Variants in SYNPO2 observed in about 807,000 individuals in gnomAD.
The protein encoded by SYNPO2 is synaptopodin 2, also known as synaptopodin-2.
Under a neutral mutation model 85.0 loss-of-function variants are expected in SYNPO2, and 56 were observed. The observed-to-expected ratio is 0.66, with a 90% confidence interval of 0.53 to 0.82. SYNPO2 has a LOEUF of 0.82. Among genes scored for constraint, SYNPO2 ranks in the 40% least tolerant of loss-of-function variants. The pLI is 0.00. For missense variants in SYNPO2, 1,575 were observed against 1,534.2 expected (o/e 1.03, Z -0.44); for synonymous variants, 602 against 591.1 (o/e 1.02, Z -0.27).
At chr4:118,999,111 T>C (rs1419042406) in intron 1 of SYNPO2, among the ~76,000 whole-genome samples, 4 of 152,118 alleles carry the variant, frequency 2.6e-5, no homozygotes, top group African/African-American at 9.7e-5. Context: ...TAAAGTGAAA[T>C]GTTTAGCTGT....
intron 1 of SYNPO2, among the ~76,000 whole-genome samples, chr4:118,902,311 G>A (rs114154637): frequency 0.015 from 2,341 of 152,182 alleles, 30 homozygotes; most frequent in Non-Finnish European, 0.021. Context: ...TCACACTGCC[G>A]ATAAAGACAT....
chr4:118,975,562 C>A (rs751996917), intron 1 of SYNPO2, among the ~76,000 whole-genome samples: 1 of 152,116 alleles, frequency 6.6e-6, no homozygotes. Flanking sequence ...ACTTTCACCC[C>A]CAGGAAGGAG....
chr4:118,879,040 C>T (rs182504979), intron 1 of SYNPO2, among the ~76,000 whole-genome samples: 31 of 152,232 alleles, frequency 2.0e-4, no homozygotes, highest in South Asian at 1.2e-3. Flanking sequence ...TGAACAACTC[C>T]GGAGGCACCA....
intron 1 of SYNPO2, among the ~76,000 whole-genome samples, chr4:119,008,358 G>C (rs1475023775): frequency 1.3e-5 from 2 of 151,944 alleles, no homozygotes; most frequent in Non-Finnish European, 2.9e-5. Context: ...AGTACTAAGT[G>C]AATGAATGAA....
chr4:118,996,571 A>G (rs569996261), intron 1 of SYNPO2, among the ~76,000 whole-genome samples: 2 of 152,308 alleles, frequency 1.3e-5, no homozygotes, highest in East Asian at 3.9e-4. Context: ...AAGATGTAAG[A>G]TATGTCATAA....
At chr4:118,981,855 AATT>A (rs747674352) in intron 1 of SYNPO2, among the ~76,000 whole-genome samples, 113 of 152,294 alleles carry the variant, frequency 7.4e-4, no homozygotes, top group African/African-American at 2.6e-3. Context: ...AACTGCACAT[AATT>A]ATTATTATTT....
chr4:118,932,546 A>G (rs1158770393), intron 1 of SYNPO2, among the ~76,000 whole-genome samples: 1 of 152,198 alleles, frequency 6.6e-6, no homozygotes, highest in Non-Finnish European at 1.5e-5. Flanking sequence ...ACCTAGATTT[A>G]ATATTTTGTA....
At chr4:119,054,271 C>G (rs1035080617) in intron 4 of SYNPO2, among the ~76,000 whole-genome samples, 1 of 152,344 alleles carries the variant, frequency 6.6e-6, no homozygotes, top group East Asian at 1.9e-4. Flanking sequence ...CTGCCGTCCA[C>G]AGACGGTGGT....
intron 1 of SYNPO2, among the ~76,000 whole-genome samples, chr4:118,978,235 C>G (rs1286319084): frequency 1.3e-5 from 2 of 152,204 alleles, no homozygotes; most frequent in Admixed American, 1.3e-4. Flanking sequence ...TTGTTCCCCA[C>G]AATTTAGCCC....
intron 1 of SYNPO2, among the ~76,000 whole-genome samples, chr4:118,975,686 A>C (rs972592462): frequency 6.6e-6 from 1 of 152,244 alleles, no homozygotes; most frequent in Non-Finnish European, 1.5e-5. Flanking sequence ...TTACAGGATT[A>C]GTTCCCTAGC....
In SYNPO2 at chr4:119,057,476, C is replaced by T; in HGVS notation, c.3328C>T (p.Pro1110Ser). 6.2e-7 allele frequency: 1 copy of T among 1,613,944 alleles called. No individual in the cohort carries two copies. The highest frequency in any genetic ancestry group is 8.5e-7 in the Non-Finnish European group (1 of 1,179,982). ...TTCTACATCTCCTTGGGTATACCAGCCTACTTATAGTTACTCTAGTAAACC... is the reference window on the plus strand; with the variant it reads ...TTCTACATCTCCTTGGGTATACCAGTCTACTTATAGTTACTCTAGTAAACC... The part of the protein sequence containing the change: ...PISTSPWVYQ[P>S]TYSYSSKPTD... Residue 1110 changes from proline to serine, a missense_variant, in exon 5 of 5, where the codon CCT becomes TCT. Physicochemically the swap from Pro to Ser is moderately conservative, Grantham distance 74. Around this residue, in one of 3 missense-constraint regions of SYNPO2, gnomAD observed 1,508 missense variants for 1,446.8 expected, o/e 1.04. Coordinates refer to ENST00000307142, the MANE Select transcript of SYNPO2 (RefSeq NM_133477.3).
chr4:118,921,132 C>T (rs115937745), intron 1 of SYNPO2, among the ~76,000 whole-genome samples: 2,357 of 152,190 alleles, frequency 0.015, 30 homozygotes, highest in Non-Finnish European at 0.021. Context: ...GTCTTGAACT[C>T]CTGGCCTCAA....
chr4:118,914,730 G>C (rs1245772540), intron 1 of SYNPO2, among the ~76,000 whole-genome samples: 1 of 152,104 alleles, frequency 6.6e-6, no homozygotes, highest in African/African-American at 2.4e-5. Context: ...GTAAAGGAAA[G>C]ACAGCAAATA....
At chr4:118,996,069 C>G (rs970855746) in intron 1 of SYNPO2, among the ~76,000 whole-genome samples, 3 of 152,130 alleles carry the variant, frequency 2.0e-5, no homozygotes, top group Admixed American at 2.0e-4. Flanking sequence ...CTCCATTATG[C>G]GGCATACACA....
chr4:118,885,548 C>T (rs1490591972), upstream of SYNPO2, among the ~76,000 whole-genome samples: 1 of 151,398 alleles, frequency 6.6e-6, no homozygotes. Flanking sequence ...TCTCGGCTCA[C>T]TGCAACCTCT....
intron 1 of SYNPO2, among the ~76,000 whole-genome samples, chr4:118,909,247 G>T (rs1733053298): frequency 6.6e-6 from 1 of 152,244 alleles, no homozygotes; most frequent in East Asian, 1.9e-4. Context: ...TACGGGGGAT[G>T]AGAACTGACA....
chr4:118,916,730 T>TTC, intron 1 of SYNPO2, among the ~76,000 whole-genome samples: 1 of 5,258 alleles, frequency 1.9e-4, no homozygotes, highest in East Asian at 0.019. Flanking sequence ...TTTTTCTTTC[T>TTC]TTTTTTTTTT....
At chr4:118,939,995 GTT>G in intron 1 of SYNPO2, among the ~76,000 whole-genome samples, 1 of 94,932 alleles carries the variant, frequency 1.1e-5, no homozygotes, top group South Asian at 3.7e-4. Flanking sequence ...TTTTTTTTTT[GTT>G]TTTTTTTGAG....
intron 1 of SYNPO2, among the ~76,000 whole-genome samples, chr4:118,902,634 G>A (rs1161538049): frequency 2.6e-5 from 4 of 152,144 alleles, no homozygotes; most frequent in Non-Finnish European, 1.5e-5. Context: ...GCCAAACCAT[G>A]TCAAGCACTT....
Sources: gnomAD v4.1 joint callset for allele counts (sites outside exome capture counted in the v4.1 genomes callset) on GRCh38, gnomAD v4.1.1 for gene constraint, gnomAD v4.1.1 regional missense constraint, MANE v1.5 for transcripts, NCBI Gene and HGNC (gene_info 2026-07-23, HGNC 2026-07-21) for gene names.